LRRC74A: variants seen among roughly 807,000 people sequenced by gnomAD.
LRRC74A encodes the protein leucine-rich repeat-containing protein 74A.
Under a neutral mutation model 57.9 loss-of-function variants are expected in LRRC74A, and 44 were observed. The observed-to-expected ratio is 0.76, with a 90% CI of 0.60 to 0.98. LRRC74A has a LOEUF of 0.98. Among genes scored for constraint, LRRC74A ranks in the 50% least tolerant of loss-of-function variants. The pLI is 0.00. For synonymous variants in LRRC74A, 211 were observed against 219.4 expected (o/e 0.96, Z 0.34); for missense variants, 572 against 574.0 (o/e 1.00, Z 0.04).
chr14:76,828,627 C>T (rs561001907), intron 2 of LRRC74A: 2 of 718,288 alleles, frequency 2.8e-6, no homozygotes, highest in Non-Finnish European at 4.9e-6. Context: ...CCACGCTTGT[C>T]ACCTGCCTCA....
chr14:76,863,141 T>C (rs1407165444), intron 11 of LRRC74A, among the ~76,000 whole-genome samples: 3 of 151,444 alleles, frequency 2.0e-5, no homozygotes, highest in Non-Finnish European at 4.4e-5. Context: ...CTCTAGGACT[T>C]GGCGAATGGT....
intron 13 of LRRC74A, among the ~76,000 whole-genome samples, chr14:76,868,612 C>T (rs991978297): frequency 6.6e-6 from 1 of 152,126 alleles, no homozygotes; most frequent in African/African-American, 2.4e-5. Flanking sequence ...ACACAGTTGC[C>T]CCTGCCAAGC....
At chr14:76,867,867 GAC>G (rs1328000417) in intron 13 of LRRC74A, among the ~76,000 whole-genome samples, 1 of 152,220 alleles carries the variant, frequency 6.6e-6, no homozygotes, top group Non-Finnish European at 1.5e-5. Context: ...CGGAGACCTA[GAC>G]AGAGGGCGGA....
intron 5 of LRRC74A, among the ~76,000 whole-genome samples, chr14:76,842,850 T>A (rs1388260313): frequency 6.6e-6 from 1 of 152,144 alleles, no homozygotes; most frequent in Non-Finnish European, 1.5e-5. Flanking sequence ...TCAGGTAAGG[T>A]GAGTGAGCCA....
At chr14:76,853,122 C>A in intron 8 of LRRC74A, 94 bp from the exon 9 acceptor site, 1 of 1,208,818 alleles carries the variant, frequency 8.3e-7, no homozygotes, top group Non-Finnish European at 1.2e-6. Context: ...AGCACCCGGT[C>A]TGGATGCCAA....
At position 76,837,887 on chromosome 14, in the gene LRRC74A, A is replaced by G; in HGVS notation, c.460A>G (p.Asn154Asp). 1.3e-6 allele frequency: 2 copies of G among 1,587,462 alleles called. No homozygotes were observed. The highest frequency in any genetic ancestry group is 1.7e-6 in the Non-Finnish European group (2 of 1,164,836). ...TCTTGCCTTTTAGAATATTTCCAAC[A>G]ATCACCTTGGTTTGGAGGGGGCCAG... ...YYLQEMNISN[N>D]HLGLEGARII... Residue 154 changes from asparagine (N) to aspartate (D), a missense_variant, in exon 5 of 14, where the codon AAT (asparagine) becomes GAT (aspartate). Coordinates refer to ENST00000689127, the MANE Select transcript of LRRC74A (RefSeq NM_001385106.1).
intron 2 of LRRC74A, 30 bp downstream of exon 2, chr14:76,828,449 G>A (rs1895737667): frequency 6.2e-7 from 1 of 1,613,422 alleles, no homozygotes; most frequent in Non-Finnish European, 8.5e-7. Flanking sequence ...GGCAGTCAGG[G>A]CAGCTTCTCC....
In LRRC74A at chr14:76,826,456, G is replaced by A. The variant is rs377665097; in HGVS notation, c.-242G>A. On this transcript the variant is annotated 5_prime_UTR_variant, in exon 1 of 14. Coordinates refer to ENST00000689127, the MANE Select transcript of LRRC74A (RefSeq NM_001385106.1). ...GTCCCACTCTCCCAGATGAGCTGGA[G>A]AAGTAGCTACCTCTCCCAGACAGAG... is the stretch of plus-strand genomic sequence containing the variant. 344 of 1,445,226 alleles carry A rather than the reference G, an allele frequency of 2.4e-4. No homozygotes were observed. The African/African-American group carries it at 4.4e-3, about 19-fold the overall frequency. The allele number at this position is 1,445,226 out of a possible 1,614,324, so 89.5% of individuals were successfully genotyped here.
At chr14:76,858,637 C>G (rs988750707) in intron 10 of LRRC74A, among the ~76,000 whole-genome samples, 1 of 152,086 alleles carries the variant, frequency 6.6e-6, no homozygotes, top group Admixed American at 6.5e-5. Flanking sequence ...CTCTGTTGCC[C>G]AGGCTGGAGT....
In LRRC74A at chr14:76,866,026, C is replaced by A; in HGVS notation, c.1259C>A (p.Thr420Asn). 1.3e-6 allele frequency: 2 copies of A among 1,599,754 alleles called. No individual in the cohort carries two copies. Among genetic ancestry groups the A allele is most frequent in the Non-Finnish European group, 1.7e-6 (2 of 1,169,212 alleles). Residue 420 changes from threonine to asparagine, a missense_variant, in exon 12 of 14, where the codon ACT becomes AAT. Coordinates refer to ENST00000689127, the MANE Select transcript of LRRC74A (RefSeq NM_001385106.1). ...GACTTCTTCAAGAGCTTGAACCCCACTGGGACAATGAAGATGTCTGTGGAT... is the reference window on the plus strand; with the variant it reads ...GACTTCTTCAAGAGCTTGAACCCCAATGGGACAATGAAGATGTCTGTGGAT... ...IVDFFKSLNP[T>N]GTMKMSVDEF...
chr14:76,843,084 C>T (rs1160215443), intron 5 of LRRC74A, among the ~76,000 whole-genome samples: 1 of 152,002 alleles, frequency 6.6e-6, no homozygotes, highest in Non-Finnish European at 1.5e-5. Flanking sequence ...GAGTTTGAGA[C>T]CAGCCTGACC....
chr14:76,838,018 G>A, intron 5 of LRRC74A, 47 bp downstream of exon 5: 2 of 1,226,324 alleles, frequency 1.6e-6, no homozygotes, highest in Non-Finnish European at 2.3e-6. Context: ...ATCAGAGGGA[G>A]GGAAGAGGGG....
chr14:76,865,866 A>T, intron 11 of LRRC74A, 102 bp from the exon 12 acceptor site: 1 of 904,502 alleles, frequency 1.1e-6, no homozygotes, highest in Non-Finnish European at 1.7e-6. Flanking sequence ...TAGCCTTGTT[A>T]GGCCTGGAAG....
chr14:76,861,597 CT>C (rs1211389525), intron 11 of LRRC74A, among the ~76,000 whole-genome samples: 1 of 152,130 alleles, frequency 6.6e-6, no homozygotes, highest in Non-Finnish European at 1.5e-5. Flanking sequence ...CCCAACTCAT[CT>C]TTTCTTAGAT....
At chr14:76,857,254 A>G (rs1400584452) in intron 9 of LRRC74A, 126 bp from the exon 10 acceptor site, 1 of 615,016 alleles carries the variant, frequency 1.6e-6, no homozygotes, top group Non-Finnish European at 3.0e-6. Flanking sequence ...GGACAAGGAG[A>G]TAATTACTTA....
At chr14:76,868,758 C>A (rs1899162545) in intron 13 of LRRC74A, among the ~76,000 whole-genome samples, 1 of 152,348 alleles carries the variant, frequency 6.6e-6, no homozygotes, top group Non-Finnish European at 1.5e-5. Flanking sequence ...TCCTTCGCTC[C>A]ACTCAGCGTC....
At chr14:76,867,531 T>C in intron 13 of LRRC74A, 93 bp downstream of exon 13, 1 of 680,270 alleles carries the variant, frequency 1.5e-6, no homozygotes, top group Non-Finnish European at 2.7e-6. Flanking sequence ...TACACTTTAT[T>C]ACTTGAGGCT....
At chr14:76,835,975 T>C (rs1170106152) in intron 3 of LRRC74A, among the ~76,000 whole-genome samples, 1 of 152,206 alleles carries the variant, frequency 6.6e-6, no homozygotes, top group Non-Finnish European at 1.5e-5. Context: ...TGTCAGGGTT[T>C]TAATTGCTTT....
At chr14:76,853,457 G>C in intron 9 of LRRC74A, 47 bp downstream of exon 9, 1 of 1,272,726 alleles carries the variant, frequency 7.9e-7, no homozygotes, top group South Asian at 1.4e-5. Context: ...GTGTGTGTGT[G>C]TGTGTTTGTG....
Sources: gnomAD v4.1 joint callset for allele counts (sites outside exome capture counted in the v4.1 genomes callset) on GRCh38, gnomAD v4.1.1 for gene constraint, MANE v1.5 for transcripts, NCBI Gene and HGNC (gene_info 2026-07-23, HGNC 2026-07-21) for gene names.